The following GIN1 variants were observed in gnomAD, a reference collection of about 807,000 sequenced individuals.
The protein encoded by GIN1 is gypsy retrotransposon integrase-like protein 1.
Under a neutral mutation model 51.4 loss-of-function variants are expected in GIN1, and 41 were observed. That is an observed-to-expected ratio of 0.80 (90% CI 0.62 to 1.04). The LOEUF (loss-of-function observed/expected upper bound fraction) is 1.04. Among genes scored for constraint, GIN1 ranks in the 50% least tolerant of loss-of-function variants. The probability of loss-of-function intolerance (pLI) is 0.00; values close to 1 mark genes in which losing one functional copy is unlikely to be tolerated. For missense variants in GIN1, 610 were observed against 612.4 expected (o/e 1.00, Z 0.04); for synonymous variants, 222 against 206.5 (o/e 1.07, Z -0.64).
chr5:103,117,393 C>T (rs1309835165), intron 1 of GIN1, among the ~76,000 whole-genome samples: 3 of 151,414 alleles, frequency 2.0e-5, no homozygotes, highest in Non-Finnish European at 4.4e-5. Flanking sequence ...ACAATGCCAA[C>T]GCAATTGCAC....
intron 4 of GIN1, among the ~76,000 whole-genome samples, chr5:103,098,000 G>A (rs897810685): frequency 2.0e-5 from 3 of 151,690 alleles, no homozygotes; most frequent in Non-Finnish European, 2.9e-5. Flanking sequence ...CTTCTGCCTC[G>A]GCTTCCTGAG....
At chr5:103,093,507 A>G (rs1314814381) in intron 7 of GIN1, among the ~76,000 whole-genome samples, 2 of 152,208 alleles carry the variant, frequency 1.3e-5, no homozygotes, top group Non-Finnish European at 2.9e-5. Context: ...GCCCAGTAAG[A>G]TCTATGTTGA....
intron 7 of GIN1, among the ~76,000 whole-genome samples, chr5:103,090,141 TAGTC>T (rs1554194373): frequency 6.6e-6 from 1 of 152,050 alleles, no homozygotes; most frequent in African/African-American, 2.4e-5. Context: ...ATACATAAAT[TAGTC>T]AGGCATGGTG....
intron 1 of GIN1, among the ~76,000 whole-genome samples, chr5:103,114,206 G>C (rs1327705419): frequency 1.3e-5 from 2 of 152,170 alleles, no homozygotes; most frequent in Non-Finnish European, 2.9e-5. Flanking sequence ...ATGAGTTGGA[G>C]TTACAAGATT....
intron 7 of GIN1, among the ~76,000 whole-genome samples, chr5:103,089,665 A>C (rs1787181730): frequency 6.6e-6 from 1 of 152,146 alleles, no homozygotes; most frequent in African/African-American, 2.4e-5. Flanking sequence ...TTAATGGGTT[A>C]AGGAGCCCTC....
At chr5:103,095,338 C>G (rs748535169) in intron 7 of GIN1, among the ~76,000 whole-genome samples, 8 of 152,080 alleles carry the variant, frequency 5.3e-5, no homozygotes, top group Non-Finnish European at 1.0e-4. Context: ...CATCACTTTA[C>G]TAGGGTATCT....
In GIN1 at chr5:103,087,664, T is replaced by C. The variant is rs34794; in HGVS notation, c.*234A>G. ...AGAAGTAGGGGTGCTTTGCCTGTTC[T>C]CTTTTTAGAAGAAAAAGTGAATTCT... On this transcript the variant is annotated 3_prime_UTR_variant, in exon 8 of 8. Coordinates refer to ENST00000399004, the MANE Select transcript of GIN1 (RefSeq NM_017676.2). 1 of 278,756 alleles carries C rather than the reference T, an allele frequency of 3.6e-6. No individual in the cohort carries two copies. 17.3% of individuals were successfully genotyped at this position (278,756 alleles called of 1,614,324 possible). A position where few individuals can be genotyped will look rare whatever the true frequency, so the allele number is the denominator to read the frequency against.
chr5:103,116,000 A>G (rs1788020547), intron 1 of GIN1, among the ~76,000 whole-genome samples: 1 of 152,152 alleles, frequency 6.6e-6, no homozygotes, highest in Admixed American at 6.5e-5. Context: ...ACTAGAATGC[A>G]GAAAGCTGGA....
chr5:103,116,579 A>G (rs1554197395), intron 1 of GIN1, among the ~76,000 whole-genome samples: 2 of 152,150 alleles, frequency 1.3e-5, no homozygotes, highest in African/African-American at 4.8e-5. Context: ...CTTCCCAGAC[A>G]GCAAAGAAAA....
chr5:103,101,057 G>A (rs980934059), intron 4 of GIN1, among the ~76,000 whole-genome samples: 1 of 152,156 alleles, frequency 6.6e-6, no homozygotes, highest in African/African-American at 2.4e-5. Context: ...CTATGATAGA[G>A]ATTAATTTTT....
chr5:103,115,484 C>CAGAA (rs1233823331), intron 1 of GIN1, among the ~76,000 whole-genome samples: 1 of 151,950 alleles, frequency 6.6e-6, no homozygotes, highest in Non-Finnish European at 1.5e-5. Flanking sequence ...TACATACAGA[C>CAGAA]AGAAAGAATA....
At chr5:103,102,135 AT>A (rs1283189898) in intron 4 of GIN1, 1 of 152,004 alleles carries the variant, frequency 6.6e-6, no homozygotes, top group African/African-American at 2.4e-5. Context: ...TGTCAAATAT[AT>A]TTTTTTCTGT....
intron 7 of GIN1, among the ~76,000 whole-genome samples, chr5:103,094,284 G>A (rs1358535942): frequency 6.6e-6 from 1 of 152,050 alleles, no homozygotes; most frequent in Admixed American, 6.6e-5. Flanking sequence ...TGAGAAAAAT[G>A]TAAAAAAAGG....
chr5:103,111,826 T>C (rs782700633), intron 1 of GIN1, among the ~76,000 whole-genome samples: 1 of 152,112 alleles, frequency 6.6e-6, no homozygotes, highest in Admixed American at 6.6e-5. Context: ...CCCCTACCCA[T>C]TTACCTCCTG....
Position 103,087,930 on chromosome 5 carries a change from A to G in GIN1, c.1537T>C (p.Ser513Pro). The change falls in exon 8 of 8, where the codon TCT (serine) becomes CCT (proline). Residue 513 changes from serine (S) to proline (P), a missense_variant. Coordinates refer to ENST00000399004, the MANE Select transcript of GIN1 (RefSeq NM_017676.2). ...LEKQTFSLLD[S>P]SNQVLEYLS Reference sequence around the variant, plus strand: ...AAGTATTCAAGAACCTGGTTTGAAGAGTCCAACAGACTGAAAGTCTGCTTT... The same window carrying G: ...AAGTATTCAAGAACCTGGTTTGAAGGGTCCAACAGACTGAAAGTCTGCTTT... 6.4e-7 allele frequency: 1 copy of G among 1,566,526 alleles called. No individual in the cohort carries two copies. The highest frequency in any genetic ancestry group is 8.7e-7 in the Non-Finnish European group (1 of 1,145,984).
At chr5:103,089,624 T>C (rs782150249) in intron 7 of GIN1, among the ~76,000 whole-genome samples, 8 of 152,100 alleles carry the variant, frequency 5.3e-5, no homozygotes, top group African/African-American at 7.2e-5. Flanking sequence ...GCCTGGCTAA[T>C]TGTGTTGCCT....
At chr5:103,096,294 C>A (rs573603511) in intron 7 of GIN1, among the ~76,000 whole-genome samples, 1 of 151,910 alleles carries the variant, frequency 6.6e-6, no homozygotes, top group Non-Finnish European at 1.5e-5. Flanking sequence ...GAGCCAAGAT[C>A]GCGCCATTGC....
chr5:103,088,565 G>A (rs564241554), intron 7 of GIN1, among the ~76,000 whole-genome samples: 11 of 152,276 alleles, frequency 7.2e-5, no homozygotes, highest in African/African-American at 2.2e-4. Flanking sequence ...AGCCAAAGCC[G>A]GTAGATTGCT....
At chr5:103,105,202 T>A (rs1167795121) in intron 3 of GIN1, among the ~76,000 whole-genome samples, 2 of 152,054 alleles carry the variant, frequency 1.3e-5, no homozygotes, top group Non-Finnish European at 2.9e-5. Flanking sequence ...CTTGTATATG[T>A]GAGTTTCACA....
Sources: allele counts gnomAD v4.1 joint callset (sites outside exome capture counted in the v4.1 genomes callset), GRCh38; gene constraint gnomAD v4.1.1; transcripts MANE v1.5; gene names NCBI Gene and HGNC (gene_info 2026-07-23, HGNC 2026-07-21).